The following KCTD5 variants were observed in gnomAD, a reference collection of about 807,000 sequenced individuals.
KCTD5 encodes potassium channel tetramerization domain containing 5, also known as BTB/POZ domain-containing protein KCTD5.
KCTD5 carries 12 observed loss-of-function variants against 27.9 expected under a neutral mutation model. That is an observed-to-expected ratio of 0.43 (90% CI 0.28 to 0.70). The LOEUF is 0.70. Among genes scored for constraint, KCTD5 ranks in the 30% least tolerant of loss-of-function variants. KCTD5 has a pLI of 0.19. For missense variants in KCTD5, 226 were observed against 274.8 expected (o/e 0.82, Z 1.26); for synonymous variants, 147 against 121.4 (o/e 1.21, Z -1.39).
chr16:2,682,672 G>C lies in KCTD5; in HGVS notation c.124G>C (p.Val42Leu), dbSNP rs752641327. Residue 42 changes from valine (V) to leucine (L), a missense_variant, in exon 1 of 6, where the codon GTG becomes CTG. Val to Leu is a conservative substitution (Grantham distance 32). Coordinates refer to ENST00000301738, the MANE Select transcript of KCTD5 (RefSeq NM_018992.4). The part of the protein sequence containing the change: ...LGALAQRPGS[V>L]SKWVRLNVGG... ...CGCCCTGGCCCAGCGCCCTGGCAGC[G>C]TGTCCAAGTGGGTCCGACTCAACGT... The C allele has an allele frequency of 3.7e-6, 6 of 1,604,512 alleles. No homozygotes were observed. In the South Asian group the frequency reaches 6.7e-5, roughly 18 times the overall value.
At chr16:2,690,165 C>T (rs900686649) in intron 1 of KCTD5, among the ~76,000 whole-genome samples, 10 of 152,248 alleles carry the variant, frequency 6.6e-5, no homozygotes, top group African/African-American at 9.6e-5. Flanking sequence ...GCTCTCCTGA[C>T]CAGACGTCCA....
chr16:2,700,953 G>A (rs764992452), intron 4 of KCTD5, among the ~76,000 whole-genome samples: 16 of 152,050 alleles, frequency 1.1e-4, no homozygotes, highest in Non-Finnish European at 1.8e-4. Flanking sequence ...CATCAGAATC[G>A]TGCCAGAGCC....
intron 4 of KCTD5, among the ~76,000 whole-genome samples, chr16:2,701,238 G>A (rs1350397595): frequency 6.6e-6 from 1 of 152,214 alleles, no homozygotes; most frequent in Non-Finnish European, 1.5e-5. Flanking sequence ...CAAAGAACGG[G>A]TGTCCTCCCC....
At chr16:2,690,810 C>T (rs1009986253) in intron 1 of KCTD5, among the ~76,000 whole-genome samples, 4 of 152,258 alleles carry the variant, frequency 2.6e-5, no homozygotes, top group African/African-American at 9.6e-5. Context: ...TTCTAAACCT[C>T]CCCGAGGTGA....
chr16:2,696,695 G>A (rs55857409), intron 2 of KCTD5, among the ~76,000 whole-genome samples: 20,350 of 152,128 alleles, frequency 0.13, 1,488 homozygotes, highest in Middle Eastern at 0.29. Context: ...TCTGCGCATC[G>A]GTCTGCACTG....
At chr16:2,693,497 G>A (rs921064142) in intron 1 of KCTD5, among the ~76,000 whole-genome samples, 3 of 152,236 alleles carry the variant, frequency 2.0e-5, no homozygotes, top group Non-Finnish European at 2.9e-5. Flanking sequence ...CTGCCTGCCC[G>A]TCTTGAGGCC....
chr16:2,700,002 T>C (rs1296650798), intron 4 of KCTD5, 86 bp downstream of exon 4: 9 of 1,244,814 alleles, frequency 7.2e-6, no homozygotes, highest in Non-Finnish European at 1.0e-5. Context: ...CTCCTGGAAA[T>C]GCAGACTTTG....
At chr16:2,705,083 G>A (rs1268109078) in intron 5 of KCTD5, among the ~76,000 whole-genome samples, 11 of 152,198 alleles carry the variant, frequency 7.2e-5, no homozygotes, top group Non-Finnish European at 1.5e-4. Flanking sequence ...CCGCCCACCC[G>A]CACTGTCCTG....
At chr16:2,699,020 G>A (rs1567195306) in intron 3 of KCTD5, 3 of 418,288 alleles carry the variant, frequency 7.2e-6, no homozygotes, top group East Asian at 7.1e-5. Context: ...CTGTCTTGCA[G>A]AATAAAGCAA....
intron 1 of KCTD5, chr16:2,684,293 T>C (rs1192125108): frequency 6.6e-6 from 1 of 152,100 alleles, no homozygotes; most frequent in Non-Finnish European, 1.5e-5. Context: ...TCCCAGTTGA[T>C]GAACTTTAGC....
chr16:2,707,341 G>A lies in KCTD5; in HGVS notation c.*14G>A, dbSNP rs779329352. The A allele has an allele frequency of 6.2e-7, 1 of 1,613,358 alleles. No individual in the cohort carries two copies. Among genetic ancestry groups the A allele is most frequent in the Non-Finnish European group, 8.5e-7 (1 of 1,179,236 alleles). On this transcript the variant is annotated 3_prime_UTR_variant, in exon 6 of 6. Coordinates refer to ENST00000301738, the MANE Select transcript of KCTD5 (RefSeq NM_018992.4). ...TCAAGGATGTGAGGGACACAGTATTGACAGCTGAAGAAATGATTTACGTTT... is the reference window on the plus strand; with the variant it reads ...TCAAGGATGTGAGGGACACAGTATTAACAGCTGAAGAAATGATTTACGTTT...
chr16:2,699,204 G>A (rs2067600286), intron 3 of KCTD5: 2 of 455,940 alleles, frequency 4.4e-6, no homozygotes, highest in Admixed American at 4.7e-5. Flanking sequence ...AGGATGTGGG[G>A]CCACCCCGCC....
chr16:2,692,503 G>A (rs147744733), intron 1 of KCTD5, among the ~76,000 whole-genome samples: 8 of 152,196 alleles, frequency 5.3e-5, no homozygotes, highest in Admixed American at 3.3e-4. Flanking sequence ...TCTGCAGCTG[G>A]TCTTCCACTT....
chr16:2,702,583 C>A, intron 5 of KCTD5, 105 bp downstream of exon 5: 1 of 1,444,702 alleles, frequency 6.9e-7, no homozygotes, highest in South Asian at 1.3e-5. Context: ...CTCCCGGTGT[C>A]CGCCCCTGGT....
At chr16:2,690,376 C>A (rs969870830) in intron 1 of KCTD5, among the ~76,000 whole-genome samples, 2 of 152,246 alleles carry the variant, frequency 1.3e-5, no homozygotes, top group Non-Finnish European at 2.9e-5. Context: ...AAGCCTGGGA[C>A]CTCTGGAGAT....
chr16:2,698,104 C>A, intron 3 of KCTD5, 107 bp downstream of exon 3: 1 of 729,462 alleles, frequency 1.4e-6, no homozygotes, highest in Non-Finnish European at 2.3e-6. Flanking sequence ...CGGTCTGGGG[C>A]TCTCCTACCC....
intron 3 of KCTD5, among the ~76,000 whole-genome samples, chr16:2,698,210 G>T (rs1304205915): frequency 6.6e-6 from 1 of 152,224 alleles, no homozygotes; most frequent in Non-Finnish European, 1.5e-5. Flanking sequence ...ATCCTGCCCG[G>T]CCCAGACTCT....
intron 5 of KCTD5, 129 bp from the exon 6 acceptor site, chr16:2,707,169 A>G: frequency 2.6e-6 from 2 of 767,208 alleles, no homozygotes; most frequent in African/African-American, 1.8e-5. Context: ...GACCCTGGCC[A>G]GTGCCGCTGG....
chr16:2,693,378 G>GT (rs1327561731), intron 1 of KCTD5, among the ~76,000 whole-genome samples: 1 of 152,248 alleles, frequency 6.6e-6, no homozygotes, highest in Non-Finnish European at 1.5e-5. Context: ...GAGGTCAGGA[G>GT]TTCCTTCAAA....
Sources: gnomAD v4.1 joint callset for allele counts (sites outside exome capture counted in the v4.1 genomes callset) on GRCh38, gnomAD v4.1.1 for gene constraint, MANE v1.5 for transcripts, NCBI Gene and HGNC (gene_info 2026-07-23, HGNC 2026-07-21) for gene names.